Variants in TOGARAM2 observed in about 807,000 individuals in gnomAD.
TOGARAM2 encodes TOG array regulator of axonemal microtubules 2, also known as TOG array regulator of axonemal microtubules protein 2.
TOGARAM2 carries 85 observed loss-of-function variants against 93.3 expected under a neutral mutation model. The observed-to-expected ratio is 0.91, with a 90% confidence interval of 0.76 to 1.09. TOGARAM2 has a LOEUF of 1.09. Among genes scored for constraint, TOGARAM2 ranks in the 50% least tolerant of loss-of-function variants. The pLI is 0.00. For synonymous variants in TOGARAM2, 593 were observed against 552.8 expected (o/e 1.07, Z -1.02); for missense variants, 1,277 against 1,334.5 (o/e 0.96, Z 0.67).
intron 12 of TOGARAM2, 96 bp downstream of exon 12, chr2:29,023,287 C>A: frequency 2.1e-6 from 2 of 972,384 alleles, no homozygotes; most frequent in Non-Finnish European, 3.1e-6. Flanking sequence ...GCTTCAGGGA[C>A]ATGGGGATCC....
In TOGARAM2 at chr2:29,026,920, G is replaced by A. The variant is rs763334798; in HGVS notation, c.1921G>A (p.Ala641Thr). ...CTCAGCTGTGCTGGAGCAGATCGGC[G>A]CTGAGAAGCTTCTCTCGGGCACCAG... ...HLSAVLEQIG[A>T]EKLLSGTRDS... is the part of the protein sequence containing the mutation. Residue 641 changes from alanine (A) to threonine (T), a missense_variant, in exon 14 of 20, where the codon GCT becomes ACT. Physicochemically the swap from Ala to Thr is moderately conservative, Grantham distance 58 (BLOSUM62 0). Coordinates refer to ENST00000379558, the MANE Select transcript of TOGARAM2 (RefSeq NM_199280.4). 1.1e-5 allele frequency: 18 copies of A among 1,585,338 alleles called. No individual in the cohort carries two copies. In the East Asian group the frequency reaches 1.4e-4, roughly 12 times the overall value.
At chr2:29,008,442 C>T (rs1664018871) in intron 6 of TOGARAM2, among the ~76,000 whole-genome samples, 1 of 147,576 alleles carries the variant, frequency 6.8e-6, no homozygotes, top group Admixed American at 6.8e-5. Flanking sequence ...TGAGCCACTG[C>T]ACCCAGCCAA....
chr2:29,002,392 G>T lies in TOGARAM2; in HGVS notation c.428-144G>T. 4.4e-6 allele frequency: 3 copies of T among 679,240 alleles called. No homozygotes were observed. In the South Asian group the frequency reaches 5.7e-5, roughly 13 times the overall value. The allele number at this position is 679,240 out of a possible 1,614,324, so 42.1% of individuals were successfully genotyped here. A position where few individuals can be genotyped will look rare whatever the true frequency, so the allele number is the denominator to read the frequency against. On this transcript the variant is annotated intron_variant, in intron 4 of 19. Transcript: ENST00000379558. The stretch of plus-strand genomic sequence containing the variant: ...GTGGCTGCTTGCTCAGTCTACCAGT[G>T]GTGGGGTTGGGGACAGATCTGATCT...
intron 1 of TOGARAM2, among the ~76,000 whole-genome samples, chr2:28,957,105 A>G (rs1255832832): frequency 6.6e-6 from 1 of 152,040 alleles, no homozygotes; most frequent in Non-Finnish European, 1.5e-5. Context: ...ACTTTGTCTC[A>G]AAAAACAAAA....
intron 4 of TOGARAM2, among the ~76,000 whole-genome samples, chr2:29,000,353 G>T (rs1673221709): frequency 6.6e-6 from 1 of 152,028 alleles, no homozygotes; most frequent in Non-Finnish European, 1.5e-5. Context: ...ATACTCACTG[G>T]CTCTGGGGCC....
chr2:29,005,465 CTGCATGTGTG>C (rs1355833751), intron 6 of TOGARAM2, among the ~76,000 whole-genome samples: 3 of 56,506 alleles, frequency 5.3e-5, no homozygotes, highest in Non-Finnish European at 1.2e-4. Flanking sequence ...GCATGTGTGA[CTGCATGTGTG>C]TGCATGTGTG....
At chr2:28,978,127 G>A (rs888524259), upstream of TOGARAM2, among the ~76,000 whole-genome samples, 8 of 152,248 alleles carry the variant, frequency 5.3e-5, no homozygotes, top group South Asian at 6.2e-4. Context: ...GGCTGGTCTC[G>A]AACCCCTGGC....
At chr2:29,032,786 C>A in intron 14 of TOGARAM2, 148 bp from the exon 15 acceptor site, 1 of 609,608 alleles carries the variant, frequency 1.6e-6, no homozygotes, top group Non-Finnish European at 2.8e-6. Flanking sequence ...TTTTATTAAT[C>A]TATTTTTTAA....
At chr2:28,976,134 G>T (rs1672025373) in intron 1 of TOGARAM2, among the ~76,000 whole-genome samples, 1 of 152,200 alleles carries the variant, frequency 6.6e-6, no homozygotes, top group Admixed American at 6.5e-5. Flanking sequence ...ACTTTGGGAG[G>T]CCGAGGTGGA....
Position 29,045,335 on chromosome 2 carries a change from C to T in TOGARAM2, c.2647C>T (p.Leu883Phe). 15 of 1,613,398 alleles carry T rather than the reference C, an allele frequency of 9.3e-6. No homozygotes were observed. Among genetic ancestry groups the T allele is most frequent in the Non-Finnish European group, 1.3e-5 (15 of 1,179,830 alleles). ...CCCTTCTCTTTCAGACAACCTTTGC[C>T]TTCTACCAGCGCTTGCTGGGCGAGT... ...AMVESLDNLC[L>F]LPALAGRVRF... Residue 883 changes from leucine to phenylalanine, a missense_variant, in exon 19 of 20, where the codon CTT becomes TTT. Coordinates refer to ENST00000379558, the MANE Select transcript of TOGARAM2 (RefSeq NM_199280.4).
chr2:28,994,054 GA>G (rs1391973467), intron 1 of TOGARAM2, among the ~76,000 whole-genome samples: 2 of 152,248 alleles, frequency 1.3e-5, no homozygotes, highest in Non-Finnish European at 2.9e-5. Context: ...AGAATTGTGT[GA>G]AGCTGCAGAG....
intron 1 of TOGARAM2, among the ~76,000 whole-genome samples, chr2:28,973,339 CTCCCTTCCT>C (rs1000382130): frequency 2.7e-5 from 4 of 150,700 alleles, no homozygotes; most frequent in South Asian, 2.1e-4. Flanking sequence ...TGCTTAGCCC[CTCCCTTCCT>C]TCCCTTCCTT....
At chr2:28,988,505 A>T (rs542234314) in intron 1 of TOGARAM2, among the ~76,000 whole-genome samples, 1 of 152,190 alleles carries the variant, frequency 6.6e-6, no homozygotes, top group African/African-American at 2.4e-5. Flanking sequence ...CTCCCGCTCC[A>T]TCAGCTCCCC....
At chr2:29,043,409 G>A (rs2148393257) in intron 18 of TOGARAM2, among the ~76,000 whole-genome samples, 1 of 152,296 alleles carries the variant, frequency 6.6e-6, no homozygotes, top group East Asian at 1.9e-4. Flanking sequence ...CCCTCTCCAG[G>A]AATGCAGGGG....
intron 7 of TOGARAM2, among the ~76,000 whole-genome samples, chr2:29,012,064 C>T (rs942183182): frequency 1.2e-4 from 18 of 152,248 alleles, no homozygotes; most frequent in Middle Eastern, 3.4e-3. Context: ...AGGATTGAGG[C>T]GAGGAGAGGG....
At chr2:29,017,407 T>C in intron 9 of TOGARAM2, 103 bp downstream of exon 9, 1 of 1,118,654 alleles carries the variant, frequency 8.9e-7, no homozygotes, top group South Asian at 2.2e-5. Context: ...TTTTTATTAG[T>C]ATTTATGTAT....
intron 19 of TOGARAM2, 107 bp downstream of exon 19, chr2:29,045,517 C>T: frequency 1.1e-6 from 1 of 940,638 alleles, no homozygotes. Context: ...AAATAATCCC[C>T]CCCAATCATT....
At chr2:29,030,787 C>T (rs1278330220) in intron 14 of TOGARAM2, among the ~76,000 whole-genome samples, 1 of 152,184 alleles carries the variant, frequency 6.6e-6, no homozygotes, top group East Asian at 1.9e-4. Context: ...CTCCAGCCAC[C>T]AGCAAAGTTG....
chr2:29,005,815 AGTGCATGTGT>A (rs1470530437), intron 6 of TOGARAM2, among the ~76,000 whole-genome samples: 3 of 134,814 alleles, frequency 2.2e-5, no homozygotes, highest in Non-Finnish European at 4.6e-5. Context: ...CATGTGTGTG[AGTGCATGTGT>A]GTGCATGTGT....
Sources: gnomAD v4.1 joint callset for allele counts (sites outside exome capture counted in the v4.1 genomes callset) on GRCh38, gnomAD v4.1.1 for gene constraint, MANE v1.5 for transcripts, NCBI Gene and HGNC (gene_info 2026-07-23, HGNC 2026-07-21) for gene names.